CTNNA3: variants seen among roughly 807,000 people sequenced by gnomAD.
CTNNA3 encodes the protein catenin alpha-3.
A neutral mutation model predicts 95.7 loss-of-function variants in CTNNA3; 76 were observed. The ratio of observed to expected loss-of-function variants is 0.79; its 90% confidence interval spans 0.66 to 0.96. CTNNA3 has a LOEUF of 0.96. Among genes scored for constraint, CTNNA3 ranks in the 40% least tolerant of loss-of-function variants. CTNNA3 has a pLI of 0.00. For synonymous variants in CTNNA3, 431 were observed against 374.4 expected, an observed-to-expected ratio of 1.15 and a Z score of -1.74; for missense variants, 1,191 against 1,089.8, an observed-to-expected ratio of 1.09 and a Z score of -1.31.
intron 13 of CTNNA3, among the ~76,000 whole-genome samples, chr10:66,140,836 C>G (rs2083575603): frequency 6.6e-6 from 1 of 152,170 alleles, no homozygotes; most frequent in South Asian, 2.1e-4. Flanking sequence ...TATCTTCTCT[C>G]TTACTTTAGT....
intron 13 of CTNNA3, among the ~76,000 whole-genome samples, chr10:66,230,423 C>T (rs918552800): frequency 4.0e-5 from 6 of 151,808 alleles, no homozygotes; most frequent in Non-Finnish European, 5.9e-5. Context: ...TAGGTGGGCA[C>T]TGTTGTATAT....
At chr10:66,151,028 T>A (rs1027823076) in intron 13 of CTNNA3, among the ~76,000 whole-genome samples, 48 of 152,174 alleles carry the variant, frequency 3.2e-4, no homozygotes, top group African/African-American at 1.2e-3. Context: ...TAAACTGTAT[T>A]TAATAAACTT....
At chr10:65,961,303 CTCAACTGA>C (rs771022500) in intron 17 of CTNNA3, among the ~76,000 whole-genome samples, 122 of 152,172 alleles carry the variant, frequency 8.0e-4, no homozygotes, top group Admixed American at 2.0e-3. Context: ...ATACTCAGTA[CTCAACTGA>C]TCATGATACA....
At chr10:67,247,415 A>G (rs1253831111) in intron 5 of CTNNA3, among the ~76,000 whole-genome samples, 1 of 152,240 alleles carries the variant, frequency 6.6e-6, no homozygotes, top group African/African-American at 2.4e-5. Context: ...AAATAGCATC[A>G]AAACATAAAA....
intron 2 of CTNNA3, among the ~76,000 whole-genome samples, chr10:67,622,508 G>A (rs1280432010): frequency 6.6e-6 from 1 of 152,190 alleles, no homozygotes; most frequent in African/African-American, 2.4e-5. Flanking sequence ...AAAGGTTTAG[G>A]AAGCAAGCTG....
chr10:67,451,803 T>C (rs897670129), intron 5 of CTNNA3, among the ~76,000 whole-genome samples: 2 of 152,220 alleles, frequency 1.3e-5, no homozygotes, highest in Admixed American at 6.5e-5. Flanking sequence ...AAGAAAACCA[T>C]AGGAAATCTC....
chr10:66,101,283 C>G (rs1361952497), intron 14 of CTNNA3, among the ~76,000 whole-genome samples: 1 of 152,084 alleles, frequency 6.6e-6, no homozygotes, highest in Non-Finnish European at 1.5e-5. Context: ...ACAAATAACC[C>G]AAATAATCTG....
rs2077053968 is a variant in CTNNA3, at chr10:65,919,753, A to C, written c.*577T>G. 1 of 152,428 alleles carries C rather than the reference A, an allele frequency of 6.6e-6. No individual in the cohort carries two copies. The highest frequency in any genetic ancestry group is 1.5e-5 in the Non-Finnish European group (1 of 68,210). 9.4% of individuals were successfully genotyped at this position (152,428 alleles called of 1,614,324 possible). A position where few individuals can be genotyped will look rare whatever the true frequency, so the allele number is the denominator to read the frequency against. The stretch of plus-strand genomic sequence containing the variant: ...ACTATTCAAATTTGATTAGTTTATA[A>C]TGGATATTAGCCTAATAAGTTGACA... On this transcript the variant is annotated 3_prime_UTR_variant, in exon 18 of 18. Transcript: ENST00000433211.
At chr10:66,865,931 A>G (rs1477971679) in intron 7 of CTNNA3, among the ~76,000 whole-genome samples, 1 of 152,260 alleles carries the variant, frequency 6.6e-6, no homozygotes, top group Non-Finnish European at 1.5e-5. Context: ...TACCCTTAAT[A>G]TTATTGATTT....
chr10:66,000,079 TA>T (rs1332975675), intron 15 of CTNNA3, among the ~76,000 whole-genome samples: 10 of 152,238 alleles, frequency 6.6e-5, no homozygotes, highest in Middle Eastern at 6.8e-3. Flanking sequence ...TTAAAGAAAG[TA>T]AAATGTAATA....
chr10:67,607,134 C>T, intron 2 of CTNNA3, 85 bp from the exon 3 acceptor site: 1 of 1,117,124 alleles, frequency 9.0e-7, no homozygotes, highest in Non-Finnish European at 1.3e-6. Flanking sequence ...GAACAAAAGA[C>T]AGTACAGTTG....
chr10:66,145,335 C>A (rs1037967925), intron 13 of CTNNA3, among the ~76,000 whole-genome samples: 4 of 152,138 alleles, frequency 2.6e-5, no homozygotes, highest in Non-Finnish European at 5.9e-5. Context: ...TACAGGTAAA[C>A]TAGAGTGGAA....
At chr10:67,198,976 G>C (rs927095999) in intron 6 of CTNNA3, among the ~76,000 whole-genome samples, 2 of 151,816 alleles carry the variant, frequency 1.3e-5, no homozygotes, top group Admixed American at 6.6e-5. Context: ...TGCAATATAA[G>C]GAGGAGGGGG....
chr10:67,541,801 G>A (rs779364565), intron 3 of CTNNA3, among the ~76,000 whole-genome samples: 1 of 152,102 alleles, frequency 6.6e-6, no homozygotes, highest in African/African-American at 2.4e-5. Context: ...CTATGAGACT[G>A]TGAAAAGTTA....
intron 9 of CTNNA3, among the ~76,000 whole-genome samples, chr10:66,647,678 A>ATTTTT (rs58907458): frequency 2.1e-5 from 3 of 142,296 alleles, no homozygotes; most frequent in Admixed American, 2.1e-4. Flanking sequence ...GCCCAGCTAA[A>ATTTTT]TTTTTTTTTT....
intron 17 of CTNNA3, among the ~76,000 whole-genome samples, chr10:65,960,495 A>ACAC (rs2077820977): frequency 6.6e-6 from 1 of 152,200 alleles, no homozygotes; most frequent in Admixed American, 6.5e-5. Flanking sequence ...ACTGCACTCC[A>ACAC]GCCTGGGTGA....
chr10:66,055,513 A>G (rs1447081630), intron 15 of CTNNA3, among the ~76,000 whole-genome samples: 1 of 151,634 alleles, frequency 6.6e-6, no homozygotes, highest in Admixed American at 6.6e-5. Flanking sequence ...TTTTTTTCAG[A>G]CTGCTTGCTG....
At chr10:67,413,915 T>G (rs1333521609) in intron 5 of CTNNA3, among the ~76,000 whole-genome samples, 1 of 152,048 alleles carries the variant, frequency 6.6e-6, no homozygotes, top group Non-Finnish European at 1.5e-5. Context: ...TACCAAAATC[T>G]CTGAGATATA....
At chr10:67,285,099 T>C (rs941701542) in intron 5 of CTNNA3, among the ~76,000 whole-genome samples, 22 of 152,218 alleles carry the variant, frequency 1.4e-4, no homozygotes, top group Non-Finnish European at 5.9e-5. Context: ...ATCATGTATA[T>C]AGAAAGTACA....
Sources: allele counts gnomAD v4.1 joint callset (sites outside exome capture counted in the v4.1 genomes callset), GRCh38; gene constraint gnomAD v4.1.1; transcripts MANE v1.5; gene names NCBI Gene and HGNC (gene_info 2026-07-23, HGNC 2026-07-21).